The following ENTREP2 variants were observed in gnomAD, a reference collection of about 807,000 sequenced individuals.
ENTREP2 encodes protein ENTREP2.
chr15:29,562,761 GGTTT>G, the ENTREP2 span, among the ~76,000 whole-genome samples: 2 of 147,356 alleles, frequency 1.4e-5, no homozygotes, highest in Non-Finnish European at 3.0e-5. Context: ...TGTTGTTGTT[GGTTT>G]TTTTTGGTGT....
chr15:29,394,387 C>A, the ENTREP2 span, among the ~76,000 whole-genome samples: 3 of 151,968 alleles, frequency 2.0e-5, no homozygotes, highest in Admixed American at 2.0e-4. Context: ...TTACTGGACA[C>A]AATTTTCATC....
chr15:29,173,466 C>T, the ENTREP2 span, among the ~76,000 whole-genome samples: 5 of 152,172 alleles, frequency 3.3e-5, no homozygotes, highest in Admixed American at 1.3e-4. Context: ...GTTTCCTCAT[C>T]GCTCTGAGCC....
chr15:29,192,732 G>A, the ENTREP2 span, among the ~76,000 whole-genome samples: 1 of 152,208 alleles, frequency 6.6e-6, no homozygotes, highest in Non-Finnish European at 1.5e-5. Flanking sequence ...TTGATAGACA[G>A]GGTCGGCAGT....
the ENTREP2 span, among the ~76,000 whole-genome samples, chr15:29,523,777 T>C: frequency 2.0e-5 from 3 of 151,980 alleles, no homozygotes; most frequent in Non-Finnish European, 4.4e-5. Flanking sequence ...CAAGTCAGTA[T>C]AATGCAAAAG....
the ENTREP2 span, among the ~76,000 whole-genome samples, chr15:29,624,040 C>T: frequency 6.6e-6 from 1 of 152,194 alleles, no homozygotes; most frequent in Non-Finnish European, 1.5e-5. Context: ...ACCAGGCTTC[C>T]AGTCCCTTCT....
chr15:29,645,111 T>C, the ENTREP2 span, among the ~76,000 whole-genome samples: 2 of 152,092 alleles, frequency 1.3e-5, no homozygotes, highest in Non-Finnish European at 2.9e-5. Context: ...GAACACCAAA[T>C]ACACACTATA....
the ENTREP2 span, among the ~76,000 whole-genome samples, chr15:29,672,475 T>G: frequency 2.0e-5 from 3 of 152,150 alleles, no homozygotes; most frequent in Admixed American, 2.0e-4. Flanking sequence ...CTCTATTTTT[T>G]TTTTCTAAAA....
the ENTREP2 span, among the ~76,000 whole-genome samples, chr15:29,300,711 G>A: frequency 6.6e-6 from 1 of 152,068 alleles, no homozygotes; most frequent in Non-Finnish European, 1.5e-5. Flanking sequence ...CCATTCTCCT[G>A]CCTCAGCCTC....
the ENTREP2 span, among the ~76,000 whole-genome samples, chr15:29,508,903 C>A: frequency 6.6e-6 from 1 of 152,128 alleles, no homozygotes; most frequent in African/African-American, 2.4e-5. Context: ...CTGGCCAGGG[C>A]AATGAGGCAA....
At chr15:29,310,761 C>A in the ENTREP2 span, among the ~76,000 whole-genome samples, 1 of 152,132 alleles carries the variant, frequency 6.6e-6, no homozygotes, top group Non-Finnish European at 1.5e-5. Context: ...TCAACCCAGA[C>A]GCCAAAGCTC....
At chr15:29,606,093 A>T in the ENTREP2 span, among the ~76,000 whole-genome samples, 4 of 152,010 alleles carry the variant, frequency 2.6e-5, no homozygotes, top group Non-Finnish European at 4.4e-5. Flanking sequence ...AGTCCTACCT[A>T]TTCTAAAAAA....
chr15:29,238,572 T>C, the ENTREP2 span, among the ~76,000 whole-genome samples: 2 of 151,464 alleles, frequency 1.3e-5, no homozygotes, highest in African/African-American at 4.9e-5. Context: ...AAGGCGGAGG[T>C]TGCAATGAGC....
the ENTREP2 span, among the ~76,000 whole-genome samples, chr15:29,174,723 GA>G: frequency 7.0e-6 from 1 of 143,142 alleles, no homozygotes; most frequent in African/African-American, 2.7e-5. Flanking sequence ...AAAAAAAAAA[GA>G]AAACTAGAAA....
the ENTREP2 span, among the ~76,000 whole-genome samples, chr15:29,335,421 T>C: frequency 2.0e-5 from 3 of 152,242 alleles, no homozygotes; most frequent in African/African-American, 2.4e-5. Context: ...CCCAAGTTCA[T>C]ACTCTTTAAC....
the ENTREP2 span, among the ~76,000 whole-genome samples, chr15:29,604,531 A>C: frequency 6.6e-6 from 1 of 152,184 alleles, no homozygotes; most frequent in East Asian, 1.9e-4. Flanking sequence ...ATTTACTTTC[A>C]AGGTAATTAT....
the ENTREP2 span, among the ~76,000 whole-genome samples, chr15:29,590,958 G>A: frequency 6.6e-6 from 1 of 152,260 alleles, no homozygotes; most frequent in South Asian, 2.1e-4. Flanking sequence ...GTGTAAACTA[G>A]TAGCTATTAA....
At chr15:29,180,341 C>T in the ENTREP2 span, among the ~76,000 whole-genome samples, 1 of 152,168 alleles carries the variant, frequency 6.6e-6, no homozygotes, top group Non-Finnish European at 1.5e-5. Context: ...ATCAGGTTAC[C>T]TGACTACAGT....
the ENTREP2 span, among the ~76,000 whole-genome samples, chr15:29,441,177 A>C: frequency 6.6e-6 from 1 of 152,242 alleles, no homozygotes; most frequent in Non-Finnish European, 1.5e-5. Context: ...ATGGACCCTG[A>C]GGACACTGTG....
At chr15:29,619,760 C>T in the ENTREP2 span, among the ~76,000 whole-genome samples, 1 of 152,104 alleles carries the variant, frequency 6.6e-6, no homozygotes, top group South Asian at 2.1e-4. Flanking sequence ...GACACCCACC[C>T]TCCTGGCCAT....
Sources: gnomAD v4.1 joint callset for allele counts (sites outside exome capture counted in the v4.1 genomes callset) on GRCh38, gnomAD v4.1.1 for gene constraint, MANE v1.5 for transcripts, NCBI Gene and HGNC (gene_info 2026-07-23, HGNC 2026-07-21) for gene names.